CACNB4: variants seen among roughly 807,000 people sequenced by gnomAD.
The protein encoded by CACNB4 is voltage-dependent L-type calcium channel subunit beta-4.
A neutral mutation model predicts 71.2 loss-of-function variants in CACNB4; 32 were observed. The ratio of observed to expected loss-of-function variants is 0.45; its 90% confidence interval spans 0.34 to 0.60. The LOEUF is 0.60. Ranked by LOEUF, CACNB4 falls within the 20% of genes least tolerant of loss-of-function variation. CACNB4 has a pLI of 0.01. For missense variants in CACNB4, 464 were observed against 647.9 expected (o/e 0.72, Z 3.08); for synonymous variants, 231 against 236.9 (o/e 0.97, Z 0.23).
At chr2:152,000,846 C>T (rs1037205640) in intron 2 of CACNB4, among the ~76,000 whole-genome samples, 5 of 152,162 alleles carry the variant, frequency 3.3e-5, no homozygotes, top group African/African-American at 7.2e-5. Context: ...ATGGCCTGGG[C>T]GGAGGATGTG....
chr2:152,015,082 AGC>A (rs1683269546), intron 2 of CACNB4, among the ~76,000 whole-genome samples: 1 of 152,164 alleles, frequency 6.6e-6, no homozygotes. Flanking sequence ...CATTTCCTCC[AGC>A]TCTAAAATTC....
chr2:152,018,434 CT>C (rs1683469024), intron 2 of CACNB4, among the ~76,000 whole-genome samples: 1 of 151,936 alleles, frequency 6.6e-6, no homozygotes, highest in South Asian at 2.1e-4. Flanking sequence ...AATAATATTC[CT>C]GATGTTGCAC....
At chr2:151,887,953 T>TA (rs569431919) in intron 2 of CACNB4, among the ~76,000 whole-genome samples, 19 of 152,134 alleles carry the variant, frequency 1.2e-4, no homozygotes, top group East Asian at 9.6e-4. Context: ...GTTCTTTTTT[T>TA]AAAAAAATGG....
At chr2:152,046,598 C>CACT (rs1281032369) in intron 2 of CACNB4, among the ~76,000 whole-genome samples, 2 of 152,144 alleles carry the variant, frequency 1.3e-5, no homozygotes, top group Admixed American at 6.6e-5. Flanking sequence ...ATCTATTCAG[C>CACT]ACTACACTTT....
chr2:151,922,696 G>A (rs2099859281), intron 2 of CACNB4, among the ~76,000 whole-genome samples: 1 of 152,158 alleles, frequency 6.6e-6, no homozygotes, highest in South Asian at 2.1e-4. Flanking sequence ...TGTATAGTCT[G>A]AAGTTTTCTG....
At chr2:151,966,278 T>C (rs1320262553) in intron 2 of CACNB4, among the ~76,000 whole-genome samples, 1 of 149,336 alleles carries the variant, frequency 6.7e-6, no homozygotes, top group East Asian at 1.9e-4. Context: ...TTTCTTTTTC[T>C]TTTATTTATT....
At chr2:151,896,754 T>C (rs1559954199) in intron 2 of CACNB4, among the ~76,000 whole-genome samples, 1 of 152,240 alleles carries the variant, frequency 6.6e-6, no homozygotes, top group Non-Finnish European at 1.5e-5. Flanking sequence ...AAGGTTATTT[T>C]TAGTTTAACC....
At chr2:151,959,956 G>GT (rs1560072292) in intron 2 of CACNB4, among the ~76,000 whole-genome samples, 1 of 152,112 alleles carries the variant, frequency 6.6e-6, no homozygotes, top group Non-Finnish European at 1.5e-5. Flanking sequence ...ATAACAAATG[G>GT]TAACAGTGTA....
intron 2 of CACNB4, among the ~76,000 whole-genome samples, chr2:151,916,503 A>C (rs999556542): frequency 1.8e-4 from 28 of 152,184 alleles, no homozygotes; most frequent in African/African-American, 6.5e-4. Context: ...AGAGAATGTC[A>C]TAGTGGAATA....
chr2:151,941,785 T>C (rs1297921574), intron 2 of CACNB4, among the ~76,000 whole-genome samples: 1 of 152,226 alleles, frequency 6.6e-6, no homozygotes, highest in African/African-American at 2.4e-5. Context: ...TAAGGTTATG[T>C]GCTAAATTGT....
intron 2 of CACNB4, among the ~76,000 whole-genome samples, chr2:151,940,427 T>C (rs1022689129): frequency 1.3e-5 from 2 of 152,138 alleles, no homozygotes; most frequent in African/African-American, 4.8e-5. Context: ...GTTGAGGAAA[T>C]AGAAAATTGT....
At chr2:151,844,937 A>G (rs1019246168) in intron 12 of CACNB4, among the ~76,000 whole-genome samples, 3 of 152,200 alleles carry the variant, frequency 2.0e-5, no homozygotes, top group Admixed American at 2.0e-4. Flanking sequence ...TCAACAAATC[A>G]TTTTCTTGCT....
intron 2 of CACNB4, among the ~76,000 whole-genome samples, chr2:151,983,688 C>CACACACAT (rs2099875124): frequency 1.3e-5 from 2 of 151,522 alleles, no homozygotes; most frequent in South Asian, 4.2e-4. Flanking sequence ...CACACACACA[C>CACACACAT]ACACACACAC....
intron 2 of CACNB4, among the ~76,000 whole-genome samples, chr2:152,052,459 A>C (rs1685490467): frequency 6.6e-6 from 1 of 151,952 alleles, no homozygotes; most frequent in Non-Finnish European, 1.5e-5. Context: ...ATTCCTGACT[A>C]ATTTTCGTAT....
chr2:151,876,591 A>T, intron 4 of CACNB4, 35 bp from the exon 5 acceptor site: 1 of 1,485,608 alleles, frequency 6.7e-7, no homozygotes, highest in Non-Finnish European at 9.3e-7. Flanking sequence ...ATCAATAGTA[A>T]TTCACTTATC....
rs76045074 is a variant in CACNB4 at position 152,092,078 on chromosome 2, C to T, written c.147+6252G>A. Among the ~76,000 whole-genome samples, 929 of 152,278 alleles carry T rather than the reference C, an allele frequency of 6.1e-3. 13 individuals are homozygous for T. Among genetic ancestry groups the T allele is most frequent in the African/African-American group, 0.021 (852 of 41,558 alleles). On this transcript the variant is annotated intron_variant, in intron 2 of 13. Coordinates refer to ENST00000539935, the MANE Select transcript of CACNB4 (RefSeq NM_000726.5). ...ATAAAGTGGATTGTGGTGAAAAAAA[C>T]AGTAGAGTCTGAGCCAGGATCCCTT...
intron 2 of CACNB4, among the ~76,000 whole-genome samples, chr2:152,035,397 C>T (rs1684498343): frequency 6.6e-6 from 1 of 152,178 alleles, no homozygotes; most frequent in Non-Finnish European, 1.5e-5. Context: ...CCCATCTCTA[C>T]TAAAAATACA....
intron 2 of CACNB4, among the ~76,000 whole-genome samples, chr2:151,906,426 A>T (rs1297460371): frequency 1.3e-5 from 2 of 152,168 alleles, no homozygotes; most frequent in Non-Finnish European, 2.9e-5. Flanking sequence ...TATAAACTTT[A>T]AAAATAAACC....
chr2:152,053,498 T>G (rs895483362), intron 2 of CACNB4, among the ~76,000 whole-genome samples: 1 of 151,298 alleles, frequency 6.6e-6, no homozygotes, highest in African/African-American at 2.4e-5. Flanking sequence ...AGTGTTTCCC[T>G]GGGTTCTGTG....
Sources: allele counts gnomAD v4.1 joint callset (sites outside exome capture counted in the v4.1 genomes callset), GRCh38; gene constraint gnomAD v4.1.1; transcripts MANE v1.5; gene names NCBI Gene and HGNC (gene_info 2026-07-23, HGNC 2026-07-21).